SLC16A9: variants seen among roughly 807,000 people sequenced by gnomAD.
SLC16A9 encodes monocarboxylate transporter 9.
SLC16A9 carries 26 observed loss-of-function variants against 44.3 expected under a neutral mutation model. The ratio of observed to expected loss-of-function variants is 0.59; its 90% CI spans 0.43 to 0.81. The LOEUF is 0.81. Ranked by LOEUF, SLC16A9 falls within the 40% of genes least tolerant of loss-of-function variation. The pLI is 0.00. For synonymous variants in SLC16A9, 230 were observed against 225.1 expected (o/e 1.02, Z -0.19); for missense variants, 559 against 595.8 (o/e 0.94, Z 0.64).
intron 1 of SLC16A9, among the ~76,000 whole-genome samples, chr10:59,697,745 A>T (rs1310032320): frequency 6.7e-6 from 1 of 148,196 alleles, no homozygotes; most frequent in Non-Finnish European, 1.5e-5. Context: ...AAATAAAATA[A>T]AAAATAAATA....
rs1164861308 is a variant in SLC16A9, at chr10:59,654,243, G to A, written c.783C>T (p.His261=). 24 of 1,614,030 alleles carry A rather than the reference G, an allele frequency of 1.5e-5. No homozygotes were observed. In the East Asian group the frequency reaches 4.5e-4, roughly 30 times the overall value. The change falls in exon 5 of 6, where the codon CAC becomes CAT. Residue 261 remains histidine (H), a synonymous_variant. Transcript: ENST00000395348. ...SLLHKNPTVT[H]TKEPETYKKK... is the part of the protein sequence containing the mutation. ...TTTTGTACGTTTCAGGCTCTTTTGT[G>A]TGTGTCACTGTGGGGTTTTTATGAA...
At chr10:59,658,026 T>C (rs1383934812) in intron 4 of SLC16A9, among the ~76,000 whole-genome samples, 1 of 152,170 alleles carries the variant, frequency 6.6e-6, no homozygotes, top group African/African-American at 2.4e-5. Context: ...TAGAACAGAC[T>C]CTTTAAGTCT....
chr10:59,674,975 T>C (rs1839827605), intron 2 of SLC16A9, among the ~76,000 whole-genome samples: 1 of 152,170 alleles, frequency 6.6e-6, no homozygotes, highest in African/African-American at 2.4e-5. Context: ...TTTTTTTGCC[T>C]AACAAATGAT....
At chr10:59,699,344 C>T (rs1048797978) in intron 1 of SLC16A9, among the ~76,000 whole-genome samples, 1 of 152,146 alleles carries the variant, frequency 6.6e-6, no homozygotes, top group Admixed American at 6.5e-5. Flanking sequence ...GTTGAATTTC[C>T]ACTTCTCTGT....
At chr10:59,678,534 C>CTTTTTTTTTTTCTTT (rs1839909825) in intron 2 of SLC16A9, among the ~76,000 whole-genome samples, 1 of 12,368 alleles carries the variant, frequency 8.1e-5, no homozygotes, top group African/African-American at 1.7e-4. Context: ...TTTTTTTTTT[C>CTTTTTTTTTTTCTTT]TTTTTCTTTT....
intron 4 of SLC16A9, 33 bp downstream of exon 4, chr10:59,664,194 G>A: frequency 2.7e-6 from 4 of 1,464,144 alleles, no homozygotes; most frequent in Non-Finnish European, 3.8e-6. Flanking sequence ...AAGACTGAAT[G>A]GTGACAATAC....
In SLC16A9 at chr10:59,652,883, C is replaced by T. The variant is rs750671749; in HGVS notation, c.1419G>A (p.Leu473=). The T allele has an allele frequency of 6.2e-7, 1 of 1,613,964 alleles. No homozygotes were observed. The highest frequency in any genetic ancestry group is 1.1e-5 in the South Asian group (1 of 91,058). ...AFYFSGFCVL[L]GGFILLLAAL... is the part of the protein sequence containing the mutation. ...CTGCCAGCAGCAGAATAAAACCTCC[C>T]AGCAGGACGCAGAAGCCACTAAAAT... is the stretch of plus-strand genomic sequence containing the variant. Residue 473 remains leucine, a synonymous_variant, in exon 6 of 6, where the codon CTG becomes CTA. Transcript: ENST00000395348.
At chr10:59,681,187 A>G (rs1482012963) in intron 2 of SLC16A9, among the ~76,000 whole-genome samples, 1 of 152,042 alleles carries the variant, frequency 6.6e-6, no homozygotes, top group African/African-American at 2.4e-5. Context: ...CAAGGTACTA[A>G]TGATCCACTT....
chr10:59,697,880 T>C (rs983563890), intron 1 of SLC16A9, among the ~76,000 whole-genome samples: 3 of 151,344 alleles, frequency 2.0e-5, no homozygotes, highest in African/African-American at 7.3e-5. Flanking sequence ...CAATTGTTTG[T>C]TGGCTTTGAG....
chr10:59,669,848 C>T (rs1046374765), intron 3 of SLC16A9, among the ~76,000 whole-genome samples: 5 of 151,784 alleles, frequency 3.3e-5, no homozygotes, highest in Non-Finnish European at 7.4e-5. Flanking sequence ...TAACAGAGTA[C>T]AAATCTATAC....
chr10:59,666,636 A>G (rs928560687), intron 3 of SLC16A9, among the ~76,000 whole-genome samples: 15 of 152,210 alleles, frequency 9.9e-5, no homozygotes, highest in Admixed American at 7.2e-4. Flanking sequence ...TTTGTTTTCA[A>G]TGCTTCACCT....
rs991516149 is a variant in SLC16A9, at chr10:59,684,153, C to T, written c.139G>A (p.Gly47Arg). ...CCAACCCAGGCTGTTTTTCCTTTTC[C>T]TTCACCAAAGGCATCCAGCCATTCT... is the stretch of plus-strand genomic sequence containing the variant. ...YIEWLDAFGE[G>R]KGKTAWVGSL... The change falls in exon 2 of 6, where the codon GGA becomes AGA. Residue 47 changes from glycine (G) to arginine (R), a missense_variant. Physicochemically the swap from Gly to Arg is moderately radical, Grantham distance 125. Transcript: ENST00000395348. The T allele has an allele frequency of 1.2e-6, 2 of 1,613,736 alleles. No individual in the cohort carries two copies. Among genetic ancestry groups the T allele is most frequent in the Admixed American group, 3.3e-5 (2 of 59,964 alleles).
At chr10:59,705,203 T>C (rs1164913513) in intron 1 of SLC16A9, among the ~76,000 whole-genome samples, 23 of 151,936 alleles carry the variant, frequency 1.5e-4, no homozygotes, top group Admixed American at 1.1e-3. Context: ...CATTAAAATA[T>C]GTCCCGTCAC....
chr10:59,654,582 G>A lies in SLC16A9; in HGVS notation c.444C>T (p.Ser148=), dbSNP rs368640774. 1.8e-5 allele frequency: 28 copies of A among 1,571,486 alleles called. No homozygotes were observed. In the African/African-American group the frequency reaches 3.1e-4, roughly 18 times the overall value. Residue 148 remains serine (S), a synonymous_variant, in exon 5 of 6, where the codon AGC becomes AGT. Coordinates refer to ENST00000395348, the MANE Select transcript of SLC16A9 (RefSeq NM_194298.3). ...GAGCAGCATATATGAAAAGGCCAAC[G>A]CTTGAACCTAAAAAGGGAATGGGAA... ...LALGLISTGS[S]VGLFIYAALQ...
rs1213225561 is a variant in SLC16A9, at chr10:59,672,798, A to G, written c.312T>C (p.Phe104=). Residue 104 remains phenylalanine, a synonymous_variant, in exon 3 of 6, where the codon TTT becomes TTC. Coordinates refer to ENST00000395348, the MANE Select transcript of SLC16A9 (RefSeq NM_194298.3). ...MLSSFAPNIY[F]LFFSYGIVVG... ...CAACAATGCCATAGGAAAAAAACAG[A>G]AAGTAGATATTGGGAGCAAAACTGC... 6.2e-7 allele frequency: 1 copy of G among 1,613,554 alleles called. No individual in the cohort carries two copies. The highest frequency in any genetic ancestry group is 1.7e-5 in the Admixed American group (1 of 59,906).
At chr10:59,691,439 A>G (rs1840250388) in intron 1 of SLC16A9, among the ~76,000 whole-genome samples, 1 of 152,192 alleles carries the variant, frequency 6.6e-6, no homozygotes, top group Admixed American at 6.5e-5. Flanking sequence ...TTGAATTTGA[A>G]CTTGAACTTG....
Position 59,664,336 on chromosome 10 carries a change from G to A in SLC16A9, c.341-14C>T, listed in dbSNP as rs775903611. On this transcript the variant is annotated splice_polypyrimidine_tract_variant and intron_variant, in intron 3 of 5. Coordinates refer to ENST00000395348, the MANE Select transcript of SLC16A9 (RefSeq NM_194298.3). ...CACATCCAAGACCTAAGCATGAGAAGACATTGCATAAATTAAGACGCTGCA... is the reference window on the plus strand; with the variant it reads ...CACATCCAAGACCTAAGCATGAGAAAACATTGCATAAATTAAGACGCTGCA... 96 of 1,571,036 alleles carry A rather than the reference G, an allele frequency of 6.1e-5. No homozygotes were observed. The highest frequency in any genetic ancestry group is 7.2e-5 in the Non-Finnish European group (82 of 1,146,702).
chr10:59,702,856 C>A (rs1840554736), intron 1 of SLC16A9, among the ~76,000 whole-genome samples: 1 of 152,130 alleles, frequency 6.6e-6, no homozygotes, highest in African/African-American at 2.4e-5. Context: ...TCAAGAACAT[C>A]CCCAGATAGC....
intron 3 of SLC16A9, among the ~76,000 whole-genome samples, chr10:59,668,183 C>T (rs1217879603): frequency 6.6e-6 from 1 of 152,144 alleles, no homozygotes; most frequent in Admixed American, 6.6e-5. Context: ...TCATGTCATA[C>T]TACTGCAATA....
Sources: gnomAD v4.1 joint callset for allele counts (sites outside exome capture counted in the v4.1 genomes callset) on GRCh38, gnomAD v4.1.1 for gene constraint, MANE v1.5 for transcripts, NCBI Gene and HGNC (gene_info 2026-07-23, HGNC 2026-07-21) for gene names.